Variants in PIAS1 observed in about 807,000 individuals in gnomAD.
PIAS1 encodes the protein protein inhibitor of activated STAT 1.
Under a neutral mutation model 71.3 loss-of-function variants are expected in PIAS1, and 6 were observed. The observed-to-expected ratio is 0.08, with a 90% CI of 0.05 to 0.17. PIAS1 has a LOEUF of 0.17. Among genes scored for constraint, PIAS1 ranks in the 10% least tolerant of loss-of-function variants. The pLI is 1.00. For missense variants in PIAS1, 555 were observed against 793.6 expected (o/e 0.70, Z 3.61); for synonymous variants, 303 against 292.9 (o/e 1.03, Z -0.35).
intron 8 of PIAS1, among the ~76,000 whole-genome samples, chr15:68,166,422 A>AT (rs915319613): frequency 2.5e-4 from 37 of 149,706 alleles, no homozygotes; most frequent in East Asian, 1.6e-3. Context: ...AAAAAGACAA[A>AT]TTTTTTTTTT....
chr15:68,153,036 G>C (rs1045823389), intron 6 of PIAS1, among the ~76,000 whole-genome samples: 13 of 150,278 alleles, frequency 8.7e-5, no homozygotes, highest in African/African-American at 2.9e-4. Flanking sequence ...CCCTCTGCTT[G>C]TTGTGATAAT....
intron 1 of PIAS1, chr15:68,055,324 C>A: frequency 2.5e-6 from 1 of 398,184 alleles, no homozygotes; most frequent in Non-Finnish European, 3.4e-6. Flanking sequence ...TCCCCTCATG[C>A]TACTCCAACC....
intron 6 of PIAS1, among the ~76,000 whole-genome samples, chr15:68,148,801 A>G (rs2092825851): frequency 6.6e-6 from 1 of 152,144 alleles, no homozygotes; most frequent in Non-Finnish European, 1.5e-5. Context: ...TGGAGTGGTA[A>G]ATAGTTTAAA....
chr15:68,078,890 AC>A (rs2092198316), intron 1 of PIAS1, among the ~76,000 whole-genome samples: 1 of 152,176 alleles, frequency 6.6e-6, no homozygotes, highest in Non-Finnish European at 1.5e-5. Flanking sequence ...ATGATTGAAA[AC>A]ATTTTTAATA....
chr15:68,066,352 ACCTGCCTCAGCCTCCCAAAGT>A (rs1205765033), intron 1 of PIAS1, among the ~76,000 whole-genome samples: 2 of 151,728 alleles, frequency 1.3e-5, no homozygotes, highest in East Asian at 3.9e-4. Flanking sequence ...CAGATCATCC[ACCTGCCTCAGCCTCCCAAAGT>A]GCTGGGATTA....
intron 1 of PIAS1, among the ~76,000 whole-genome samples, chr15:68,068,299 G>T (rs1255900825): frequency 6.6e-6 from 1 of 152,184 alleles, no homozygotes; most frequent in African/African-American, 2.4e-5. Flanking sequence ...GAGCCAGGAG[G>T]TTGAGGCTGT....
At chr15:68,133,251 G>C (rs2141034470) in intron 2 of PIAS1, among the ~76,000 whole-genome samples, 1 of 152,018 alleles carries the variant, frequency 6.6e-6, no homozygotes, top group East Asian at 1.9e-4. Context: ...ACTAATCTAT[G>C]ATAGAAATAA....
At position 68,076,554 on chromosome 15, in the gene PIAS1, C is replaced by A. The variant is rs149351941; in HGVS notation, c.25-9752C>A. On this transcript the variant is annotated intron_variant, in intron 1 of 13. Transcript: ENST00000249636. Reference sequence around the variant, plus strand: ...TTGGGGAATCCTAGGAGAAAAGAGTCATCTTAATCGCAAATAGTTGAATAA... The same window carrying A: ...TTGGGGAATCCTAGGAGAAAAGAGTAATCTTAATCGCAAATAGTTGAATAA... Among the ~76,000 whole-genome samples the A allele has an allele frequency of 3.3e-5, 5 of 152,208 alleles. No individual in the cohort carries two copies. In the East Asian group the frequency reaches 9.6e-4, roughly 29 times the overall value.
At chr15:68,077,265 A>G (rs539091779) in intron 1 of PIAS1, among the ~76,000 whole-genome samples, 1 of 152,334 alleles carries the variant, frequency 6.6e-6, no homozygotes, top group Non-Finnish European at 1.5e-5. Context: ...TAAAAATACC[A>G]TGTTCATATT....
rs182702114 is a variant in PIAS1, at chr15:68,073,159, G to T, written c.25-13147G>T. On this transcript the variant is annotated intron_variant, in intron 1 of 13. Coordinates refer to ENST00000249636, the MANE Select transcript of PIAS1 (RefSeq NM_016166.3). ...GCCTCCTGAGTAGCTGGGACTACAGGTACCTGCCACCACGCCCGGCTCATT... is the reference window on the plus strand; with the variant it reads ...GCCTCCTGAGTAGCTGGGACTACAGTTACCTGCCACCACGCCCGGCTCATT... Among the ~76,000 whole-genome samples the T allele has an allele frequency of 4.0e-3, 612 of 152,228 alleles. 6 individuals carry two copies. Among genetic ancestry groups the T allele is most frequent in the African/African-American group, 0.014 (575 of 41,522 alleles).
At chr15:68,162,868 G>GA (rs1257050056) in intron 7 of PIAS1, among the ~76,000 whole-genome samples, 1 of 152,200 alleles carries the variant, frequency 6.6e-6, no homozygotes, top group African/African-American at 2.4e-5. Flanking sequence ...CCAAAGGCAG[G>GA]AGAAGAAGGG....
At chr15:68,120,716 G>A (rs1161210801) in intron 2 of PIAS1, among the ~76,000 whole-genome samples, 2 of 152,036 alleles carry the variant, frequency 1.3e-5, no homozygotes, top group African/African-American at 2.4e-5. Context: ...GTGCAGTGGC[G>A]TGATCTCAGC....
intron 1 of PIAS1, among the ~76,000 whole-genome samples, chr15:68,065,015 A>G (rs2092001860): frequency 6.6e-6 from 1 of 152,056 alleles, no homozygotes; most frequent in African/African-American, 2.4e-5. Flanking sequence ...AAGTGTTAGG[A>G]TTACGGCGTG....
chr15:68,081,838 C>A (rs935876034), intron 1 of PIAS1, among the ~76,000 whole-genome samples: 1 of 151,700 alleles, frequency 6.6e-6, no homozygotes, highest in African/African-American at 2.4e-5. Flanking sequence ...TGTAAGAAAA[C>A]TTCCCAGAAC....
intron 11 of PIAS1, among the ~76,000 whole-genome samples, chr15:68,177,468 A>G (rs1403207980): frequency 6.6e-6 from 1 of 152,124 alleles, no homozygotes; most frequent in Non-Finnish European, 1.5e-5. Context: ...TCAGAATGTG[A>G]ATGAGGCTGG....
chr15:68,155,464 A>C (rs2092882130), intron 7 of PIAS1, among the ~76,000 whole-genome samples: 1 of 151,274 alleles, frequency 6.6e-6, no homozygotes, highest in Non-Finnish European at 1.5e-5. Context: ...AAAAAAAAAA[A>C]AAAAAAAACC....
chr15:68,114,858 T>C (rs1171743452), intron 2 of PIAS1, among the ~76,000 whole-genome samples: 1 of 152,126 alleles, frequency 6.6e-6, no homozygotes, highest in African/African-American at 2.4e-5. Context: ...TTAACTTTTC[T>C]TTCTGCACTT....
chr15:68,090,942 G>GTGTGTT (rs2092327698), intron 2 of PIAS1, among the ~76,000 whole-genome samples: 2 of 151,502 alleles, frequency 1.3e-5, no homozygotes, highest in African/African-American at 4.9e-5. Context: ...GTGTGTGTGT[G>GTGTGTT]TGTGTGTGTG....
chr15:68,135,111 C>T (rs1442870844), intron 2 of PIAS1, among the ~76,000 whole-genome samples: 1 of 49,650 alleles, frequency 2.0e-5, no homozygotes. Flanking sequence ...CCCCCCACCT[C>T]CCTCCCGGAC....
Sources: allele counts gnomAD v4.1 joint callset (sites outside exome capture counted in the v4.1 genomes callset), GRCh38; gene constraint gnomAD v4.1.1; transcripts MANE v1.5; gene names NCBI Gene and HGNC (gene_info 2026-07-23, HGNC 2026-07-21).